Variants in MS4A4A observed in about 807,000 individuals in gnomAD.
The protein encoded by MS4A4A is membrane-spanning 4-domains subfamily A member 4A.
Under a neutral mutation model 28.0 loss-of-function variants are expected in MS4A4A, and 26 were observed. The ratio of observed to expected loss-of-function variants is 0.93; its 90% CI spans 0.68 to 1.29. The LOEUF (loss-of-function observed/expected upper bound fraction) is 1.29. Ranked by LOEUF, MS4A4A falls within the 50% of genes most tolerant of loss-of-function variation. The probability of loss-of-function intolerance (pLI) is 0.00; values close to 1 mark genes in which losing one functional copy is unlikely to be tolerated. For synonymous variants in MS4A4A, 86 were observed against 100.8 expected, an observed-to-expected ratio of 0.85 and a Z score of 0.88; for missense variants, 290 against 293.1, an observed-to-expected ratio of 0.99 and a Z score of 0.08.
At chr11:60,300,078 C>CT (rs1334937009) in intron 3 of MS4A4A, among the ~76,000 whole-genome samples, 2 of 151,926 alleles carry the variant, frequency 1.3e-5, no homozygotes, top group Non-Finnish European at 2.9e-5. Flanking sequence ...ATTTATTGAG[C>CT]TTTTTTATTA....
At chr11:60,307,000 G>A (rs545072718) in intron 6 of MS4A4A, among the ~76,000 whole-genome samples, 11 of 152,268 alleles carry the variant, frequency 7.2e-5, no homozygotes, top group African/African-American at 2.6e-4. Flanking sequence ...AGGAAAGCAG[G>A]GAATGGAAGG....
At chr11:60,298,045 T>C (rs2084921166) in intron 3 of MS4A4A, among the ~76,000 whole-genome samples, 1 of 150,368 alleles carries the variant, frequency 6.7e-6, no homozygotes, top group Non-Finnish European at 1.5e-5. Flanking sequence ...TTATAATTAA[T>C]ATTAAATTAA....
Position 60,301,803 on chromosome 11 carries a change from G to A in MS4A4A, c.387+746G>A, listed in dbSNP as rs529746824. ...TTTTGGTTTTTGGTTTTTTGAGACAGAGTTTCACTCTTATTACCCAGGCTG... is the reference window on the plus strand; with the variant it reads ...TTTTGGTTTTTGGTTTTTTGAGACAAAGTTTCACTCTTATTACCCAGGCTG... On this transcript the variant is annotated intron_variant, in intron 4 of 6. Transcript: ENST00000337908. 1.4e-4 allele frequency among the ~76,000 whole-genome samples: 21 copies of A among 152,266 alleles called. No homozygotes were observed. The South Asian group carries it at 4.4e-3, about 32-fold the overall frequency.
At chr11:60,301,690 G>A (rs1260512842) in intron 4 of MS4A4A, among the ~76,000 whole-genome samples, 2 of 152,136 alleles carry the variant, frequency 1.3e-5, no homozygotes, top group African/African-American at 4.8e-5. Context: ...CAACTCCCTA[G>A]TGTCCCCTCC....
intron 5 of MS4A4A, among the ~76,000 whole-genome samples, chr11:60,304,628 C>T (rs966942392): frequency 1.3e-5 from 2 of 152,204 alleles, no homozygotes; most frequent in African/African-American, 2.4e-5. Context: ...AGCCCTGTAC[C>T]TGTTTTTGTA....
At chr11:60,307,617 A>G (rs1320028331) in intron 6 of MS4A4A, among the ~76,000 whole-genome samples, 1 of 152,152 alleles carries the variant, frequency 6.6e-6, no homozygotes, top group Non-Finnish European at 1.5e-5. Flanking sequence ...CTAGGTCTCT[A>G]TCTCTTCCTG....
rs539711315 is a variant in MS4A4A at position 60,286,083 on chromosome 11, G to T, written c.41+5367G>T. Among the ~76,000 whole-genome samples the T allele has an allele frequency of 4.6e-5, 7 of 152,298 alleles. No homozygotes were observed. The South Asian group carries it at 8.3e-4, about 18-fold the overall frequency. On this transcript the variant is annotated intron_variant, in intron 1 of 6. Transcript: ENST00000337908. ...CCAGGGTTATTCCTTACTGGGAAAA[G>T]AATTCAGTGATATTTCTCCTACTTG...
chr11:60,307,330 T>A (rs76973820), intron 6 of MS4A4A, among the ~76,000 whole-genome samples: 1 of 152,180 alleles, frequency 6.6e-6, no homozygotes, highest in Non-Finnish European at 1.5e-5. Context: ...AGAGATTGAC[T>A]ATAGCACATT....
At position 60,300,413 on chromosome 11, in the gene MS4A4A, A is replaced by G. The variant is rs559656524; in HGVS notation, c.331-588A>G. ...GGGCGGATCACGAGGTCAGGAGATC[A>G]AGACCATCCTGGCTAACACGGTGAA... On this transcript the variant is annotated intron_variant, in intron 3 of 6. Coordinates refer to ENST00000337908, the MANE Select transcript of MS4A4A (RefSeq NM_148975.3). Among the ~76,000 whole-genome samples the G allele has an allele frequency of 7.1e-3, 1,084 of 151,956 alleles. 7 individuals carry two copies. Among genetic ancestry groups the G allele is most frequent in the African/African-American group, 0.022 (896 of 41,478 alleles).
intron 4 of MS4A4A, among the ~76,000 whole-genome samples, chr11:60,302,029 C>T (rs1590760935): frequency 6.6e-6 from 1 of 152,304 alleles, no homozygotes; most frequent in East Asian, 1.9e-4. Flanking sequence ...ATCCACCCCG[C>T]TTCGGCCTCC....
intron 1 of MS4A4A, chr11:60,282,468 T>C: frequency 2.6e-6 from 2 of 776,448 alleles, no homozygotes; most frequent in South Asian, 1.6e-5. Flanking sequence ...ATAGGCTGAC[T>C]AATCCACATG....
At chr11:60,290,465 A>G (rs912927251) in intron 1 of MS4A4A, among the ~76,000 whole-genome samples, 6 of 152,100 alleles carry the variant, frequency 3.9e-5, no homozygotes, top group Admixed American at 6.6e-5. Flanking sequence ...TGTTTGTCCA[A>G]ATTGTTTTCG....
At chr11:60,292,980 TG>T (rs1165939154) in intron 2 of MS4A4A, among the ~76,000 whole-genome samples, 1 of 152,248 alleles carries the variant, frequency 6.6e-6, no homozygotes, top group African/African-American at 2.4e-5. Context: ...ATTCATTTTC[TG>T]GAGGGGGGGA....
At chr11:60,301,846 C>A (rs2135030156) in intron 4 of MS4A4A, among the ~76,000 whole-genome samples, 1 of 152,272 alleles carries the variant, frequency 6.6e-6, no homozygotes. Flanking sequence ...ATGGCGTGAT[C>A]TCGGCTCACC....
At chr11:60,299,476 G>A (rs1461481276) in intron 3 of MS4A4A, among the ~76,000 whole-genome samples, 6 of 95,930 alleles carry the variant, frequency 6.3e-5, no homozygotes, top group Non-Finnish European at 9.1e-5. Context: ...TTGGTTTTTG[G>A]TTTTTGGTTT....
chr11:60,292,149 A>C, intron 1 of MS4A4A, 76 bp from the exon 2 acceptor site: 1 of 1,454,750 alleles, frequency 6.9e-7, no homozygotes, highest in Non-Finnish European at 9.1e-7. Context: ...GTCCTTAGGG[A>C]GGAACCTGCC....
chr11:60,282,815 G>A, intron 1 of MS4A4A: 1 of 1,088,700 alleles, frequency 9.2e-7, no homozygotes, highest in Non-Finnish European at 1.2e-6. Context: ...TTTATGCTAA[G>A]GGTGGTGAAA....
At chr11:60,283,132 GC>G (rs2084770879) in intron 1 of MS4A4A, among the ~76,000 whole-genome samples, 1 of 152,144 alleles carries the variant, frequency 6.6e-6, no homozygotes, top group Admixed American at 6.5e-5. Context: ...TCACTGTGTT[GC>G]CCAGGCTGGA....
chr11:60,288,015 T>C (rs1445147947), intron 1 of MS4A4A, among the ~76,000 whole-genome samples: 1 of 152,210 alleles, frequency 6.6e-6, no homozygotes, highest in Non-Finnish European at 1.5e-5. Flanking sequence ...GCTTCAGCTC[T>C]GTTAGGTTGG....
Sources: gnomAD v4.1 joint callset for allele counts (sites outside exome capture counted in the v4.1 genomes callset) on GRCh38, gnomAD v4.1.1 for gene constraint, MANE v1.5 for transcripts, NCBI Gene and HGNC (gene_info 2026-07-23, HGNC 2026-07-21) for gene names.